The following KIF26B variants were observed in gnomAD, a reference collection of about 807,000 sequenced individuals.
KIF26B encodes kinesin family member 26B.
KIF26B carries 63 observed loss-of-function variants against 151.2 expected under a neutral mutation model. The ratio of observed to expected loss-of-function variants is 0.42; its 90% confidence interval spans 0.34 to 0.51. The LOEUF (loss-of-function observed/expected upper bound fraction) is 0.51. Among genes scored for constraint, KIF26B ranks in the 20% least tolerant of loss-of-function variants. KIF26B has a pLI of 0.07. For synonymous variants in KIF26B, 1,357 were observed against 1,262.1 expected (o/e 1.08, Z -1.59); for missense variants, 2,813 against 2,913.6 (o/e 0.97, Z 0.79).
chr1:245,499,176 A>G (rs1660569793), intron 4 of KIF26B, among the ~76,000 whole-genome samples: 1 of 152,168 alleles, frequency 6.6e-6, no homozygotes, highest in African/African-American at 2.4e-5. Flanking sequence ...CTTCAAACTC[A>G]GGACAATTCT....
intron 2 of KIF26B, among the ~76,000 whole-genome samples, chr1:245,331,816 T>C (rs970564999): frequency 2.6e-5 from 4 of 152,128 alleles, no homozygotes; most frequent in Non-Finnish European, 4.4e-5. Flanking sequence ...AAAAGTGAGA[T>C]TTACTTTGGT....
At chr1:245,211,078 C>G (rs936800045) in intron 2 of KIF26B, among the ~76,000 whole-genome samples, 1 of 152,152 alleles carries the variant, frequency 6.6e-6, no homozygotes, top group Non-Finnish European at 1.5e-5. Flanking sequence ...TGTGATGTTT[C>G]CCAGCGATGG....
At chr1:245,471,631 A>G (rs899478261) in intron 4 of KIF26B, among the ~76,000 whole-genome samples, 2 of 152,214 alleles carry the variant, frequency 1.3e-5, no homozygotes, top group African/African-American at 2.4e-5. Context: ...ACTTCTTGTC[A>G]TACAGATCTC....
intron 3 of KIF26B, among the ~76,000 whole-genome samples, chr1:245,386,868 C>T (rs1193366177): frequency 2.0e-5 from 3 of 152,076 alleles, no homozygotes; most frequent in African/African-American, 7.2e-5. Context: ...TACGTGCCAG[C>T]GGGGAGTAAA....
intron 9 of KIF26B, among the ~76,000 whole-genome samples, chr1:245,639,731 A>G (rs1255486061): frequency 6.6e-6 from 1 of 151,922 alleles, no homozygotes; most frequent in Admixed American, 6.6e-5. Flanking sequence ...CCCATTGATC[A>G]TCCAGGAGCA....
intron 2 of KIF26B, among the ~76,000 whole-genome samples, chr1:245,292,077 T>A (rs1308107980): frequency 1.3e-5 from 2 of 152,282 alleles, no homozygotes; most frequent in Admixed American, 1.3e-4. Context: ...AGATAATACA[T>A]GTAGAGGCGT....
chr1:245,274,052 T>C (rs1421312186), intron 2 of KIF26B, among the ~76,000 whole-genome samples: 1 of 152,168 alleles, frequency 6.6e-6, no homozygotes, highest in Non-Finnish European at 1.5e-5. Context: ...GTGGTTAACA[T>C]GGGGATTACA....
intron 4 of KIF26B, among the ~76,000 whole-genome samples, chr1:245,527,524 C>CTGTTTTTTTTTTTT: frequency 2.0e-5 from 1 of 50,710 alleles, no homozygotes; most frequent in Non-Finnish European, 3.2e-5. Context: ...TTTGGGATGG[C>CTGTTTTTTTTTTTT]TTTTTTTTTT....
intron 4 of KIF26B, among the ~76,000 whole-genome samples, chr1:245,469,350 C>G (rs1473246920): frequency 6.6e-6 from 1 of 152,200 alleles, no homozygotes; most frequent in African/African-American, 2.4e-5. Flanking sequence ...TGCCTCTCAT[C>G]TCAATTAAAA....
intron 4 of KIF26B, among the ~76,000 whole-genome samples, chr1:245,485,815 C>G (rs1660269457): frequency 6.6e-6 from 1 of 152,250 alleles, no homozygotes; most frequent in African/African-American, 2.4e-5. Flanking sequence ...TCAGAGGGCA[C>G]ACGGTGCCCT....
chr1:245,668,910 C>T (rs187739917), intron 10 of KIF26B, among the ~76,000 whole-genome samples: 3 of 152,056 alleles, frequency 2.0e-5, no homozygotes, highest in Non-Finnish European at 4.4e-5. Flanking sequence ...AGGCTGGTCG[C>T]GAACTCCCGA....
chr1:245,269,475 G>GT (rs1670810167), intron 2 of KIF26B, among the ~76,000 whole-genome samples: 1 of 150,552 alleles, frequency 6.6e-6, no homozygotes, highest in African/African-American at 2.4e-5. Context: ...TTTGTTTTTT[G>GT]TTTTTTTGAG....
intron 9 of KIF26B, among the ~76,000 whole-genome samples, chr1:245,613,826 A>G (rs55836229): frequency 0.085 from 12,899 of 152,260 alleles, 660 homozygotes; most frequent in South Asian, 0.12. Flanking sequence ...TTGCAGTATA[A>G]GGTACATTCA....
intron 1 of KIF26B, 76 bp downstream of exon 1, chr1:245,155,563 T>G: frequency 1.5e-6 from 2 of 1,324,948 alleles, no homozygotes; most frequent in Non-Finnish European, 2.1e-6. Flanking sequence ...CCCGGGATCG[T>G]GCGGCCCCGG....
chr1:245,285,267 T>G (rs1671145100), intron 2 of KIF26B, among the ~76,000 whole-genome samples: 1 of 152,172 alleles, frequency 6.6e-6, no homozygotes, highest in South Asian at 2.1e-4. Flanking sequence ...GAAACATGCA[T>G]GAGCAGAAAC....
intron 2 of KIF26B, among the ~76,000 whole-genome samples, chr1:245,293,076 T>C (rs1325512203): frequency 6.6e-6 from 1 of 152,190 alleles, no homozygotes; most frequent in Admixed American, 6.5e-5. Context: ...ATCTGAGAAA[T>C]GTAATTGAGA....
chr1:245,333,019 A>G (rs777357392), intron 2 of KIF26B, among the ~76,000 whole-genome samples: 1 of 152,200 alleles, frequency 6.6e-6, no homozygotes, highest in South Asian at 2.1e-4. Context: ...TTTATTGGGC[A>G]GCAAGAATCA....
rs56105914 is a variant in KIF26B at position 245,683,874 on chromosome 1, A to T, written c.2259-359A>T. On this transcript the variant is annotated intron_variant, in intron 10 of 14. Transcript: ENST00000407071. The stretch of plus-strand genomic sequence containing the variant: ...AGAAAGGCCACACGTGCAGTCAGCA[A>T]GCCGAGTCACCAGGCACAGAGCCCT... Among the ~76,000 whole-genome samples the T allele has an allele frequency of 5.0e-3, 767 of 152,286 alleles. 1 individual carries two copies. The highest frequency in any genetic ancestry group is 7.7e-3 in the Non-Finnish European group (521 of 68,018).
At chr1:245,522,925 A>G (rs1054882466) in intron 4 of KIF26B, among the ~76,000 whole-genome samples, 5 of 152,168 alleles carry the variant, frequency 3.3e-5, no homozygotes, top group African/African-American at 4.8e-5. Context: ...GACACTTAGG[A>G]TATAGTTTTC....
Sources: gnomAD v4.1 joint callset for allele counts (sites outside exome capture counted in the v4.1 genomes callset) on GRCh38, gnomAD v4.1.1 for gene constraint, MANE v1.5 for transcripts, NCBI Gene and HGNC (gene_info 2026-07-23, HGNC 2026-07-21) for gene names.